CELF2: variants seen among roughly 807,000 people sequenced by gnomAD.
The protein encoded by CELF2 is CUGBP Elav-like family member 2.
A neutral mutation model predicts 62.6 loss-of-function variants in CELF2; 8 were observed. The ratio of observed to expected loss-of-function variants is 0.13; its 90% CI spans 0.07 to 0.23. The LOEUF is 0.23. CELF2 is among the 10% of genes least tolerant of loss of function. The probability of loss-of-function intolerance (pLI) is 1.00; values close to 1 mark genes in which losing one functional copy is unlikely to be tolerated. For missense variants in CELF2, 333 were observed against 671.0 expected (o/e 0.50, Z 5.56); for synonymous variants, 258 against 250.0 (o/e 1.03, Z -0.30).
intron 2 of CELF2, among the ~76,000 whole-genome samples, chr10:11,174,569 A>T (rs1256195038): frequency 6.6e-6 from 1 of 152,256 alleles, no homozygotes; most frequent in Non-Finnish European, 1.5e-5. Flanking sequence ...CTACTGGAAG[A>T]TCATAAATAG....
At chr10:11,162,812 A>T (rs1047637353) in intron 1 of CELF2, among the ~76,000 whole-genome samples, 1 of 152,222 alleles carries the variant, frequency 6.6e-6, no homozygotes, top group Non-Finnish European at 1.5e-5. Flanking sequence ...AATAGCCGAC[A>T]CTGAGAGAGC....
chr10:11,059,559 C>T (rs1003836669), intron 1 of CELF2, among the ~76,000 whole-genome samples: 26 of 152,150 alleles, frequency 1.7e-4, no homozygotes, highest in African/African-American at 5.8e-4. Flanking sequence ...TCCCATGTGA[C>T]TGCTCTTGTT....
At chr10:10,536,298 A>G in the CELF2 span, among the ~76,000 whole-genome samples, 127 of 152,300 alleles carry the variant, frequency 8.3e-4, no homozygotes, top group Middle Eastern at 6.8e-3. Context: ...GATTACAGGC[A>G]TGAGCCACCA....
chr10:10,860,522 A>G (rs1425603351), intron 1 of CELF2, among the ~76,000 whole-genome samples: 1 of 152,222 alleles, frequency 6.6e-6, no homozygotes, highest in Non-Finnish European at 1.5e-5. Context: ...AGTCAATTTC[A>G]TTTCATTTTT....
intron 1 of CELF2, among the ~76,000 whole-genome samples, chr10:10,853,375 G>A (rs1051398956): frequency 6.6e-6 from 1 of 152,144 alleles, no homozygotes; most frequent in Non-Finnish European, 1.5e-5. Flanking sequence ...AAGAAAGATG[G>A]TGGGCAGGTA....
At chr10:11,034,584 T>G (rs1427190264) in intron 1 of CELF2, among the ~76,000 whole-genome samples, 1 of 152,196 alleles carries the variant, frequency 6.6e-6, no homozygotes, top group Non-Finnish European at 1.5e-5. Context: ...TTCTGTGATC[T>G]TGGCCATTTG....
chr10:10,982,102 C>A (rs1482003864), intron 2 of CELF2, among the ~76,000 whole-genome samples: 3 of 152,020 alleles, frequency 2.0e-5, no homozygotes, highest in African/African-American at 7.2e-5. Context: ...ATTATAGGTG[C>A]CCACCACCAT....
rs530401450 is a variant in CELF2 at position 11,269,980 on chromosome 10, G to A, written c.619-686G>A. 1.3e-5 allele frequency among the ~76,000 whole-genome samples: 2 copies of A among 152,126 alleles called. No individual in the cohort carries two copies. Among genetic ancestry groups the A allele is most frequent in the Admixed American group, 1.3e-4 (2 of 15,276 alleles). On this transcript the variant is annotated intron_variant, in intron 6 of 12. Transcript: ENST00000633077. The surrounding 1 kb of genome is among the most constrained non-coding windows in gnomAD (Gnocchi z 4.4). ...GGCTAGAATGTGCTTCTGTTTTTTG[G>A]GTTTGCACCAGCTCCAGGGATGGCG... is the stretch of plus-strand genomic sequence containing the variant.
chr10:10,791,635 T>A, the CELF2 span, among the ~76,000 whole-genome samples: 6 of 152,342 alleles, frequency 3.9e-5, no homozygotes, highest in Admixed American at 3.9e-4. Flanking sequence ...AGCTTCTAGT[T>A]CAGTATAGAT....
rs1355965523 is a variant in CELF2 at position 11,334,798 on chromosome 10, A to G, written c.*5745A>G. On this transcript the variant is annotated 3_prime_UTR_variant, in exon 13 of 13. Transcript: ENST00000633077. The stretch of plus-strand genomic sequence containing the variant: ...GCATCATTACAGTCCAACTCTTCTT[A>G]GACACTAATCACTTTCTAAAAGAAG... The G allele has an allele frequency of 2.0e-5, 3 of 152,350 alleles. No individual in the cohort carries two copies. In the East Asian group the frequency reaches 5.8e-4, roughly 29 times the overall value. 9.4% of individuals were successfully genotyped at this position (152,350 alleles called of 1,614,324 possible).
chr10:11,080,229 G>A (rs2773491), intron 1 of CELF2, among the ~76,000 whole-genome samples: 9,246 of 152,174 alleles, frequency 0.061, 485 homozygotes, highest in African/African-American at 0.15. Flanking sequence ...TCATGTAAAA[G>A]ATCCAAGTAG....
At position 11,159,593 on chromosome 10, in the gene CELF2, T is replaced by C. The variant is rs187519232; in HGVS notation, c.75-5893T>C. On this transcript the variant is annotated intron_variant, in intron 1 of 12. Coordinates refer to ENST00000633077, the MANE Select transcript of CELF2 (RefSeq NM_001326342.2). This position sits in a 1 kb window ranked among gnomAD's most constrained non-coding sequence, Gnocchi z 5.0. ...GAAGGAGCTGATGCTGAGACCTTAG[T>C]TGCCCCACTGCCAGTCTGTTGGGAA... Among the ~76,000 whole-genome samples, 1 of 152,350 alleles carries C rather than the reference T, an allele frequency of 6.6e-6. No homozygotes were observed. The highest frequency in any genetic ancestry group is 2.4e-5 in the African/African-American group (1 of 41,568).
intron 1 of CELF2, among the ~76,000 whole-genome samples, chr10:10,826,923 C>T (rs963862814): frequency 3.9e-5 from 6 of 152,070 alleles, no homozygotes; most frequent in Non-Finnish European, 7.4e-5. Flanking sequence ...CAAATGAGGC[C>T]GTGAACTGTG....
At chr10:10,508,009 T>A in the CELF2 span, among the ~76,000 whole-genome samples, 1 of 152,140 alleles carries the variant, frequency 6.6e-6, no homozygotes, top group Non-Finnish European at 1.5e-5. Context: ...TTACCTTTAT[T>A]TTCTGTGTGC....
chr10:11,046,042 G>A lies in CELF2; in HGVS notation c.74+27879G>A, dbSNP rs1418655532. Among the ~76,000 whole-genome samples the A allele has an allele frequency of 6.6e-6, 1 of 152,218 alleles. No individual in the cohort carries two copies. Among genetic ancestry groups the A allele is most frequent in the Non-Finnish European group, 1.5e-5 (1 of 68,034 alleles). On this transcript the variant is annotated intron_variant, in intron 1 of 12. Transcript: ENST00000633077. This position sits in a 1 kb window ranked among gnomAD's most constrained non-coding sequence, Gnocchi z 4.6. ...CTCAGGGTTTGTTTTTAAAGGCAAC[G>A]ACTCGCTCATGAAGAGTTTGAACAT...
At chr10:11,170,798 G>C (rs774578082) in intron 2 of CELF2, among the ~76,000 whole-genome samples, 4 of 152,070 alleles carry the variant, frequency 2.6e-5, no homozygotes, top group Admixed American at 6.6e-5. Context: ...TATGTGCTTT[G>C]GATCATCGCT....
intron 2 of CELF2, among the ~76,000 whole-genome samples, chr10:10,924,225 T>C (rs1234359372): frequency 7.9e-6 from 1 of 126,018 alleles, no homozygotes. Flanking sequence ...GAGCTTGCAG[T>C]GAGCCGAGAT....
chr10:10,470,805 AT>A, the CELF2 span, among the ~76,000 whole-genome samples: 1 of 150,944 alleles, frequency 6.6e-6, no homozygotes, highest in African/African-American at 2.4e-5. Context: ...AGTATTGCAT[AT>A]TTAAAGATTT....
chr10:10,857,491 G>T (rs1284619112), intron 1 of CELF2, among the ~76,000 whole-genome samples: 1 of 151,518 alleles, frequency 6.6e-6, no homozygotes, highest in African/African-American at 2.4e-5. Context: ...TAACTTAACT[G>T]CCTGCCAAAG....
Sources: allele counts gnomAD v4.1 joint callset (sites outside exome capture counted in the v4.1 genomes callset), GRCh38; gene constraint gnomAD v4.1.1; non-coding constraint Gnocchi (gnomAD v3.1); transcripts MANE v1.5; gene names NCBI Gene and HGNC (gene_info 2026-07-23, HGNC 2026-07-21).